Variants in GPC6 observed in about 807,000 individuals in gnomAD.
GPC6 encodes glypican 6.
In GPC6, 14 loss-of-function variants were observed where a neutral mutation model predicts 55.2. The ratio of observed to expected loss-of-function variants is 0.25; its 90% CI spans 0.17 to 0.40. GPC6 has a LOEUF of 0.40. Ranked by LOEUF, GPC6 falls within the 10% of genes least tolerant of loss-of-function variation. GPC6 has a pLI of 1.00. For synonymous variants in GPC6, 278 were observed against 259.6 expected, an observed-to-expected ratio of 1.07 and a Z score of -0.68; for missense variants, 641 against 708.5, an observed-to-expected ratio of 0.90 and a Z score of 1.08.
chr13:93,252,637 C>A (rs928451291), intron 1 of GPC6, among the ~76,000 whole-genome samples: 2 of 152,066 alleles, frequency 1.3e-5, no homozygotes, highest in African/African-American at 4.8e-5. Context: ...CTTATATTTT[C>A]TTGTATCATT....
At position 93,586,055 on chromosome 13, in the gene GPC6, A is replaced by T. The variant is rs185356621; in HGVS notation, c.319+40634A>T. Among the ~76,000 whole-genome samples, 425 of 152,192 alleles carry T rather than the reference A, an allele frequency of 2.8e-3. 5 individuals are homozygous for T. Among genetic ancestry groups the T allele is most frequent in the African/African-American group, 9.9e-3 (413 of 41,522 alleles). On this transcript the variant is annotated intron_variant, in intron 2 of 8. Transcript: ENST00000377047. Reference sequence around the variant, plus strand: ...GGGGGTTTGTTGTACAGATTATTCCATCACCCAGGTATTAAGCCTGGTACC... The same window carrying T: ...GGGGGTTTGTTGTACAGATTATTCCTTCACCCAGGTATTAAGCCTGGTACC...
intron 2 of GPC6, among the ~76,000 whole-genome samples, chr13:93,639,089 A>T (rs1348848458): frequency 6.6e-6 from 1 of 152,102 alleles, no homozygotes. Context: ...CAATGAAATA[A>T]TAAAAAAAAA....
chr13:94,358,461 A>G (rs1878905841), intron 6 of GPC6, among the ~76,000 whole-genome samples: 1 of 152,166 alleles, frequency 6.6e-6, no homozygotes, highest in South Asian at 2.1e-4. Flanking sequence ...AAGAAGTGAA[A>G]AGATGGATAT....
chr13:93,693,192 C>T (rs1206458447), intron 2 of GPC6, among the ~76,000 whole-genome samples: 1 of 152,142 alleles, frequency 6.6e-6, no homozygotes, highest in East Asian at 1.9e-4. Context: ...TCTCCAATTG[C>T]TTTAAATTGT....
At chr13:94,073,683 G>A (rs747736099) in intron 4 of GPC6, among the ~76,000 whole-genome samples, 6 of 152,170 alleles carry the variant, frequency 3.9e-5, no homozygotes, top group African/African-American at 9.7e-5. Flanking sequence ...GTGGTTCTGT[G>A]CATTCATCCT....
intron 1 of GPC6, among the ~76,000 whole-genome samples, chr13:93,455,189 T>C (rs1878402338): frequency 6.6e-6 from 1 of 152,102 alleles, no homozygotes; most frequent in Admixed American, 6.5e-5. Flanking sequence ...CCCTGCAATC[T>C]GAGGGAGCCG....
chr13:94,083,179 T>C (rs974186373), intron 4 of GPC6, among the ~76,000 whole-genome samples: 7 of 152,158 alleles, frequency 4.6e-5, no homozygotes, highest in Admixed American at 1.3e-4. Context: ...AGTGCAGTGG[T>C]GCAATCTCGG....
At chr13:93,542,192 A>G (rs1401946148) in intron 1 of GPC6, among the ~76,000 whole-genome samples, 1 of 152,170 alleles carries the variant, frequency 6.6e-6, no homozygotes. Context: ...TCTTGAATTA[A>G]TTTTTGTGTA....
At position 93,574,056 on chromosome 13, in the gene GPC6, G is replaced by A. The variant is rs546282653; in HGVS notation, c.319+28635G>A. Among the ~76,000 whole-genome samples the A allele has an allele frequency of 4.6e-5, 7 of 152,130 alleles. No homozygotes were observed. The South Asian group carries it at 6.2e-4, about 13-fold the overall frequency. On this transcript the variant is annotated intron_variant, in intron 2 of 8. Coordinates refer to ENST00000377047, the MANE Select transcript of GPC6 (RefSeq NM_005708.5). Reference sequence around the variant, plus strand: ...AATGGCATATGTTCAAGTATCCTACGAACTTTGGTGTGGATGTCTTGTAAT... The same window carrying A: ...AATGGCATATGTTCAAGTATCCTACAAACTTTGGTGTGGATGTCTTGTAAT...
chr13:94,223,580 G>T (rs111679717), intron 4 of GPC6, among the ~76,000 whole-genome samples: 1 of 152,052 alleles, frequency 6.6e-6, no homozygotes, highest in African/African-American at 2.4e-5. Flanking sequence ...TCCTCCCTGC[G>T]TAGCTCCATG....
At chr13:93,231,422 T>TATATATATATATAC (rs1271799609) in intron 1 of GPC6, among the ~76,000 whole-genome samples, 1 of 50,002 alleles carries the variant, frequency 2.0e-5, no homozygotes, top group African/African-American at 8.9e-5. Flanking sequence ...TATATATATA[T>TATATATATATATAC]ACGTATATAT....
chr13:93,373,259 CT>C (rs1271527991), intron 1 of GPC6, among the ~76,000 whole-genome samples: 3 of 152,102 alleles, frequency 2.0e-5, no homozygotes, highest in Non-Finnish European at 4.4e-5. Context: ...ATGCTTCGGT[CT>C]TTTTCTGTCC....
chr13:94,274,850 C>T lies in GPC6; in HGVS notation c.878-11499C>T, dbSNP rs192715054. On this transcript the variant is annotated intron_variant, in intron 4 of 8. Transcript: ENST00000377047. ...TAAAAGAACTAAAAAGTTATTTCTA[C>T]CTAATAAAAAAGTACAATAAGATTC... Among the ~76,000 whole-genome samples the T allele has an allele frequency of 2.0e-5, 3 of 152,020 alleles. No homozygotes were observed. In the East Asian group the frequency reaches 5.8e-4, roughly 29 times the overall value.
chr13:93,300,504 C>T (rs9524004), intron 1 of GPC6, among the ~76,000 whole-genome samples: 30,395 of 151,488 alleles, frequency 0.2, 3,220 homozygotes, highest in Non-Finnish European at 0.24. Context: ...AAAAATTAGC[C>T]GGGCGTGGTG....
At chr13:93,907,030 A>G (rs1326513960) in intron 3 of GPC6, among the ~76,000 whole-genome samples, 2 of 152,210 alleles carry the variant, frequency 1.3e-5, no homozygotes, top group East Asian at 1.9e-4. Context: ...ATTGTGTCAC[A>G]GTGATCTGAT....
intron 4 of GPC6, among the ~76,000 whole-genome samples, chr13:94,271,346 C>G (rs1397443293): frequency 2.0e-5 from 3 of 146,622 alleles, no homozygotes; most frequent in African/African-American, 7.6e-5. Flanking sequence ...TTGCCTCACA[C>G]TTGTTAAATA....
chr13:93,386,944 A>G (rs2139211926), intron 1 of GPC6, among the ~76,000 whole-genome samples: 1 of 152,142 alleles, frequency 6.6e-6, no homozygotes, highest in African/African-American at 2.4e-5. Context: ...CTTTTCTGTC[A>G]CTTATGAGGG....
intron 4 of GPC6, among the ~76,000 whole-genome samples, chr13:94,115,729 A>G (rs1001765788): frequency 4.6e-5 from 7 of 152,144 alleles, no homozygotes; most frequent in African/African-American, 1.7e-4. Flanking sequence ...GAACATTTCT[A>G]TGTGGATGCT....
chr13:94,002,250 A>T (rs1881839156), intron 3 of GPC6, among the ~76,000 whole-genome samples: 1 of 152,056 alleles, frequency 6.6e-6, no homozygotes, highest in Non-Finnish European at 1.5e-5. Context: ...TCTAAAATTT[A>T]GTCAAGCAGA....
Sources: allele counts gnomAD v4.1 joint callset (sites outside exome capture counted in the v4.1 genomes callset), GRCh38; gene constraint gnomAD v4.1.1; transcripts MANE v1.5; gene names NCBI Gene and HGNC (gene_info 2026-07-23, HGNC 2026-07-21).